XIST: variants seen among roughly 807,000 people sequenced by gnomAD.
XIST encodes X inactive specific transcript.
At chrX:73,821,647 T>TAA in exon 6 of XIST, 1 of 554,488 alleles carries the variant, frequency 1.8e-6, no homozygotes, top group Non-Finnish European at 3.3e-6. Context: ...AGGTTGCCCT[T>TAA]AAAACAGGTT....
At chrX:73,851,645 G>A (rs775264215) in exon 1 of XIST, 10 of 558,517 alleles carry the variant, frequency 1.8e-5, no homozygotes, top group Non-Finnish European at 3.2e-5. Flanking sequence ...ACTGCCTCCC[G>A]ATACAACAAT....
chrX:73,825,642 G>A (rs1179902849), exon 6 of XIST: 4 of 511,541 alleles, frequency 7.8e-6, no homozygotes, highest in African/African-American at 4.6e-5. Flanking sequence ...TTATAAAAAC[G>A]TTGTTTAAAA....
chrX:73,847,514 C>T, exon 1 of XIST: 1 of 513,837 alleles, frequency 1.9e-6, no homozygotes, highest in South Asian at 2.5e-5. Flanking sequence ...GCCACCACAC[C>T]CGGCCTCAGG....
chrX:73,821,763 A>AT (rs773830702), exon 6 of XIST: 1 of 511,950 alleles, frequency 2.0e-6, no homozygotes, highest in Non-Finnish European at 3.5e-6. Flanking sequence ...TTTTAAAAAA[A>AT]TTTTTCCTTT....
chrX:73,851,322 A>G (rs773085772), exon 1 of XIST: 9 of 557,715 alleles, frequency 1.6e-5, no homozygotes, highest in South Asian at 1.3e-4. Flanking sequence ...CGAAAAGCAC[A>G]CAGCAAAGAC....
chrX:73,826,320 A>G lies in XIST; in HGVS notation n.13581T>C, dbSNP rs749690717. The G allele has an allele frequency of 1.6e-5, 9 of 557,556 alleles. No individual in the cohort carries two copies. The South Asian group carries it at 1.8e-4, about 11-fold the overall frequency. 45.9% of individuals were successfully genotyped at this position (557,556 alleles called of 1,213,427 possible). A position where few individuals can be genotyped will look rare whatever the true frequency, so the allele number is the denominator to read the frequency against. ...TGGGGTCAAAAGAAAGGACTGAAATACAGTATCACCTATATGAATGTCTGC... is the reference window on the plus strand; with the variant it reads ...TGGGGTCAAAAGAAAGGACTGAAATGCAGTATCACCTATATGAATGTCTGC... On this transcript the variant is annotated non_coding_transcript_exon_variant, in exon 6 of 6. Coordinates refer to ENST00000429829, the Ensembl canonical transcript of XIST.
exon 1 of XIST, chrX:73,844,187 G>A (rs1474659488): frequency 1.8e-6 from 1 of 558,715 alleles, no homozygotes; most frequent in African/African-American, 2.2e-5. Context: ...GGGACTTAGG[G>A]GGTCAGCAAC....
At chrX:73,838,232 A>T (rs1184546003) in intron 1 of XIST, among the ~76,000 whole-genome samples, 1 of 111,398 alleles carries the variant, frequency 9.0e-6, no homozygotes. Flanking sequence ...TGGGTAAAGT[A>T]ACATAGATAA....
At chrX:73,828,065 G>A in intron 5 of XIST, 1 of 447,721 alleles carries the variant, frequency 2.2e-6, no homozygotes, top group African/African-American at 2.5e-5. Flanking sequence ...AGGGGCACAA[G>A]AGGCATGAAA....
At chrX:73,831,621 C>G (rs1297065907) in intron 3 of XIST, among the ~76,000 whole-genome samples, 2 of 111,302 alleles carry the variant, frequency 1.8e-5, no homozygotes, top group Admixed American at 1.9e-4. Context: ...GTGTTCTCAG[C>G]ACAAAATATA....
chrX:73,845,624 T>A, exon 1 of XIST: 1 of 557,461 alleles, frequency 1.8e-6, no homozygotes, highest in East Asian at 3.3e-5. Flanking sequence ...GTACCCCTGC[T>A]GTACTGCAAA....
exon 1 of XIST, chrX:73,845,234 G>A (rs749104773): frequency 1.8e-5 from 10 of 556,043 alleles, no homozygotes; most frequent in Non-Finnish European, 3.2e-5. Context: ...GGTGGAGTGT[G>A]GCAGGGGAGG....
chrX:73,849,115 C>T, exon 1 of XIST: 1 of 559,085 alleles, frequency 1.8e-6, no homozygotes, highest in Non-Finnish European at 3.2e-6. Flanking sequence ...AGGTAGTCAG[C>T]GCTGCCTCAA....
chrX:73,829,606 C>CA (rs1463286966), intron 4 of XIST: 3 of 120,274 alleles, frequency 2.5e-5, no homozygotes, highest in African/African-American at 9.9e-5. Flanking sequence ...GCCTGACCAA[C>CA]ATGGAGAAAC....
chrX:73,836,450 C>T (rs1946015049), intron 2 of XIST, among the ~76,000 whole-genome samples: 1 of 111,423 alleles, frequency 9.0e-6, no homozygotes, highest in East Asian at 2.8e-4. Context: ...CCAGGTTTCT[C>T]ACTGTAGAAA....
At chrX:73,847,799 T>G (rs1291888865) in exon 1 of XIST, 2 of 558,672 alleles carry the variant, frequency 3.6e-6, no homozygotes, top group Admixed American at 4.4e-5. Context: ...CTTTCTATAA[T>G]GTAAAAGGGG....
exon 1 of XIST, chrX:73,850,681 G>GAGGGGGAGAGGGGGGT (rs1569512859): frequency 2.6e-6 from 1 of 388,364 alleles, no homozygotes; most frequent in African/African-American, 3.3e-5. Context: ...GGGCAGACCA[G>GAGGGGGAGAGGGGGGT]AGGGGGGTAG....
chrX:73,852,128 C>G (rs766493978), exon 1 of XIST: 1 of 523,326 alleles, frequency 1.9e-6, no homozygotes, highest in East Asian at 3.4e-5. Context: ...AGCAGGTATC[C>G]GAAGCCCCGA....
chrX:73,845,125 T>G (rs1394344867), exon 1 of XIST: 1 of 549,341 alleles, frequency 1.8e-6, no homozygotes. Context: ...ATGTCCAAGG[T>G]GCATGGTTGT....
Sources: gnomAD v4.1 joint callset for allele counts (sites outside exome capture counted in the v4.1 genomes callset) on GRCh38, gnomAD v4.1.1 for gene constraint, MANE v1.5 for transcripts, NCBI Gene and HGNC (gene_info 2026-07-23, HGNC 2026-07-21) for gene names.